The following MRPS31 variants were observed in gnomAD, a reference collection of about 807,000 sequenced individuals.
MRPS31 encodes mitochondrial ribosomal protein S31, also known as small ribosomal subunit protein mS31.
A neutral mutation model predicts 43.1 loss-of-function variants in MRPS31; 32 were observed. The observed-to-expected ratio is 0.74, with a 90% CI of 0.56 to 1.00. The LOEUF (loss-of-function observed/expected upper bound fraction) is 1.00. MRPS31 is among the 50% of genes least tolerant of loss of function. The pLI, the probability that MRPS31 is intolerant of heterozygous loss-of-function variation, is 0.00. For synonymous variants in MRPS31, 165 were observed against 161.6 expected, an observed-to-expected ratio of 1.02 and a Z score of -0.16; for missense variants, 437 against 466.7, an observed-to-expected ratio of 0.94 and a Z score of 0.59.
chr13:40,753,011 T>A (rs772641808), intron 5 of MRPS31, among the ~76,000 whole-genome samples: 1 of 151,976 alleles, frequency 6.6e-6, no homozygotes, highest in Non-Finnish European at 1.5e-5. Context: ...ACATACAACA[T>A]TGTTTCTACC....
chr13:40,742,006 T>C (rs1313098157), intron 6 of MRPS31, among the ~76,000 whole-genome samples: 1 of 151,830 alleles, frequency 6.6e-6, no homozygotes, highest in East Asian at 1.9e-4. Flanking sequence ...GTAACTGCCA[T>C]TTAATGTCGA....
At chr13:40,734,160 T>G (rs1379465250) in intron 6 of MRPS31, among the ~76,000 whole-genome samples, 1 of 151,990 alleles carries the variant, frequency 6.6e-6, no homozygotes, top group African/African-American at 2.4e-5. Flanking sequence ...TAAAACTATT[T>G]CCAATCTTGA....
intron 6 of MRPS31, among the ~76,000 whole-genome samples, chr13:40,735,479 G>A (rs577652915): frequency 2.2e-4 from 34 of 152,222 alleles, no homozygotes; most frequent in African/African-American, 7.9e-4. Context: ...CTGGGGGCAG[G>A]GCGCAGACAA....
chr13:40,770,985 C>A lies in MRPS31; in HGVS notation c.152G>T (p.Arg51Leu), dbSNP rs762115044. ...VRYRSSALLA[R>L]TKNNIQRYFG... ...GGCACGGGGTTGCCTGAGGACCTAC[C>A]GGGCCAACAGCGCTGAACTGCGGTA... Residue 51 changes from arginine to leucine, a missense_variant and splice_region_variant, in exon 1 of 7, where the codon CGG becomes CTG. Transcript: ENST00000323563. 2 of 1,613,990 alleles carry A rather than the reference C, an allele frequency of 1.2e-6. No homozygotes were observed. Among genetic ancestry groups the A allele is most frequent in the Admixed American group, 1.7e-5 (1 of 59,990 alleles).
intron 2 of MRPS31, among the ~76,000 whole-genome samples, chr13:40,759,408 A>G (rs1247719530): frequency 6.6e-6 from 1 of 152,192 alleles, no homozygotes; most frequent in Non-Finnish European, 1.5e-5. Flanking sequence ...ACTGCACTCT[A>G]GCCTGGGAGA....
At chr13:40,764,354 T>C (rs560473369) in intron 2 of MRPS31, among the ~76,000 whole-genome samples, 2 of 152,224 alleles carry the variant, frequency 1.3e-5, no homozygotes, top group South Asian at 4.1e-4. Context: ...TAAGTAGTTA[T>C]ATTGTATTTT....
At chr13:40,741,906 C>CACACAG (rs1476217971) in intron 6 of MRPS31, among the ~76,000 whole-genome samples, 2 of 150,528 alleles carry the variant, frequency 1.3e-5, no homozygotes, top group Non-Finnish European at 3.0e-5. Context: ...CACACACACA[C>CACACAG]ACACACACAC....
At chr13:40,755,780 T>A (rs558227734) in intron 4 of MRPS31, among the ~76,000 whole-genome samples, 6 of 152,312 alleles carry the variant, frequency 3.9e-5, no homozygotes, top group East Asian at 1.9e-4. Flanking sequence ...TCTAATTTTT[T>A]AAATATTAAA....
intron 1 of MRPS31, among the ~76,000 whole-genome samples, chr13:40,769,193 T>C (rs541723116): frequency 2.0e-5 from 3 of 151,516 alleles, no homozygotes; most frequent in African/African-American, 7.3e-5. Context: ...CTGGCCAATA[T>C]GGTGAAATCC....
In MRPS31 at chr13:40,771,097, G is replaced by C; in HGVS notation, c.40C>G (p.Leu14Val). Reference protein sequence around the residue: ...RVSTFLPLRPLSRHPLSSGSP... With the variant: ...RVSTFLPLRPVSRHPLSSGSP... ...CCAGAGGACAAAGGGTGGCGGGAAA[G>C]GGGGCGAAGAGGTAGGAACGTCGAG... Residue 14 changes from leucine (L) to valine (V), a missense_variant, in exon 1 of 7, where the codon CTT becomes GTT. Transcript: ENST00000323563. The C allele has an allele frequency of 6.2e-7, 1 of 1,613,836 alleles. No homozygotes were observed.
intron 6 of MRPS31, among the ~76,000 whole-genome samples, chr13:40,746,233 A>C (rs1466981786): frequency 6.6e-6 from 1 of 152,254 alleles, no homozygotes. Flanking sequence ...GTAGGGAAAG[A>C]AAGGTATTTC....
Position 40,766,991 on chromosome 13 carries a change from C to G in MRPS31, c.195G>C (p.Val65=). ...ACTGCTTATCTTTCTTGCTACAGATCACACTGTTAGTGCCAAAATATCTTT... is the reference window on the plus strand; with the variant it reads ...ACTGCTTATCTTTCTTGCTACAGATGACACTGTTAGTGCCAAAATATCTTT... ...NIQRYFGTNS[V]ICSKKDKQSV... Residue 65 remains valine (V), a synonymous_variant, in exon 2 of 7, where the codon GTG becomes GTC. Transcript: ENST00000323563. 1 of 1,613,260 alleles carries G rather than the reference C, an allele frequency of 6.2e-7. No homozygotes were observed. Among genetic ancestry groups the G allele is most frequent in the Middle Eastern group, 1.6e-4 (1 of 6,062 alleles).
At chr13:40,749,362 C>G in intron 5 of MRPS31, 81 bp from the exon 6 acceptor site, 3 of 1,168,348 alleles carry the variant, frequency 2.6e-6, no homozygotes, top group Non-Finnish European at 3.4e-6. Flanking sequence ...CCTGAATTGA[C>G]CATGTATTTT....
In MRPS31 at chr13:40,769,187, C is replaced by T. The variant is rs192594520; in HGVS notation, c.152+1798G>A. Among the ~76,000 whole-genome samples the T allele has an allele frequency of 5.3e-3, 804 of 151,414 alleles. 8 individuals are homozygous for T. The highest frequency in any genetic ancestry group is 7.8e-3 in the Non-Finnish European group (526 of 67,808). ...GGTCAGGAGTTCAAGACCAGCCTGG[C>T]CAATATGGTGAAATCCAGTCTCTAC... On this transcript the variant is annotated intron_variant, in intron 1 of 6. Coordinates refer to ENST00000323563, the MANE Select transcript of MRPS31 (RefSeq NM_005830.4).
chr13:40,768,388 C>A (rs1286662298), intron 1 of MRPS31, among the ~76,000 whole-genome samples: 3 of 139,286 alleles, frequency 2.2e-5, no homozygotes, highest in African/African-American at 8.6e-5. Context: ...CACTGACCTC[C>A]AACAGGCATC....
chr13:40,770,117 T>C (rs1413333699), intron 1 of MRPS31, among the ~76,000 whole-genome samples: 1 of 152,214 alleles, frequency 6.6e-6, no homozygotes, highest in Non-Finnish European at 1.5e-5. Context: ...ACGCAGCCAG[T>C]TGAAATTTTT....
chr13:40,749,793 G>C (rs1880336338), intron 5 of MRPS31, among the ~76,000 whole-genome samples: 3 of 152,116 alleles, frequency 2.0e-5, no homozygotes, highest in African/African-American at 7.2e-5. Context: ...AACCCTATGA[G>C]TAACGTATTA....
intron 6 of MRPS31, among the ~76,000 whole-genome samples, chr13:40,735,937 CT>C (rs1249286841): frequency 6.7e-6 from 1 of 149,654 alleles, no homozygotes; most frequent in African/African-American, 2.5e-5. Context: ...TGGAGAATGA[CT>C]TTGACGAGCT....
intron 6 of MRPS31, among the ~76,000 whole-genome samples, chr13:40,730,714 C>T (rs1386851158): frequency 2.0e-5 from 3 of 151,872 alleles, no homozygotes; most frequent in Non-Finnish European, 2.9e-5. Flanking sequence ...GCGCCTGCCA[C>T]CACGCCCAGC....
Sources: allele counts gnomAD v4.1 joint callset (sites outside exome capture counted in the v4.1 genomes callset), GRCh38; gene constraint gnomAD v4.1.1; transcripts MANE v1.5; gene names NCBI Gene and HGNC (gene_info 2026-07-23, HGNC 2026-07-21).